CBY1: variants seen among roughly 807,000 people sequenced by gnomAD.
CBY1 encodes the protein protein chibby homolog 1.
A neutral mutation model predicts 15.6 loss-of-function variants in CBY1; 10 were observed. The ratio of observed to expected loss-of-function variants is 0.64; its 90% CI spans 0.40 to 1.09. The LOEUF (loss-of-function observed/expected upper bound fraction) is 1.09, where lower values mean the gene tolerates loss of function less well. Ranked by LOEUF, CBY1 falls within the 50% of genes least tolerant of loss-of-function variation. The pLI is 0.01. For missense variants in CBY1, 150 were observed against 160.5 expected (o/e 0.93, Z 0.35); for synonymous variants, 61 against 63.5 (o/e 0.96, Z 0.19).
At chr22:38,670,722 T>C in intron 2 of CBY1, 162 bp from the exon 3 acceptor site, 1 of 603,850 alleles carries the variant, frequency 1.7e-6, no homozygotes, top group Non-Finnish European at 3.0e-6. Flanking sequence ...ATTAAACTTT[T>C]CCTGTACATC....
In CBY1 at chr22:38,666,512, G is replaced by A. The variant is rs1335801303; in HGVS notation, c.-38-1505G>A. 3.9e-5 allele frequency: 6 copies of A among 152,210 alleles called. No homozygotes were observed. The South Asian group carries it at 1.2e-3, about 32-fold the overall frequency. The allele number at this position is 152,210 out of a possible 1,614,324, so 9.4% of individuals were successfully genotyped here. A position where few individuals can be genotyped will look rare whatever the true frequency, so the allele number is the denominator to read the frequency against. ...AAAAGCAAATGTACAGGTTGGGGGGGTGTTGTTGTCAGCTCCGCCATGTCG... is the reference window on the plus strand; with the variant it reads ...AAAAGCAAATGTACAGGTTGGGGGGATGTTGTTGTCAGCTCCGCCATGTCG... On this transcript the variant is annotated intron_variant, in intron 1 of 4. Coordinates refer to ENST00000216029, the MANE Select transcript of CBY1 (RefSeq NM_015373.4).
At chr22:38,672,668 GT>G (rs2092456553) in intron 4 of CBY1, among the ~76,000 whole-genome samples, 1 of 151,972 alleles carries the variant, frequency 6.6e-6, no homozygotes, top group African/African-American at 2.4e-5. Flanking sequence ...CTCATAGTGA[GT>G]TAGTACAAGA....
rs1065208 is a variant in CBY1 at position 38,673,619 on chromosome 22, C to G, written c.*383C>G. The G allele has an allele frequency of 0.058, 12,015 of 208,230 alleles. 779 individuals carry two copies. The highest frequency in any genetic ancestry group is 0.17 in the African/African-American group (7,691 of 44,412). 12.9% of individuals were successfully genotyped at this position (208,230 alleles called of 1,614,324 possible). ...CTCACCCCCTTATGTTGGTGTTTGG[C>G]GTGTGACAGCAGTTCTACAGAGCTC... On this transcript the variant is annotated 3_prime_UTR_variant, in exon 5 of 5. Coordinates refer to ENST00000216029, the MANE Select transcript of CBY1 (RefSeq NM_015373.4).
At chr22:38,669,985 C>G (rs1326270693) in intron 2 of CBY1, 1 of 152,128 alleles carries the variant, frequency 6.6e-6, no homozygotes, top group East Asian at 1.9e-4. Flanking sequence ...AATCCCAGCA[C>G]TTTGGGAGGC....
In CBY1 at chr22:38,673,242, C is replaced by G; in HGVS notation, c.*6C>G. 2 of 1,597,944 alleles carry G rather than the reference C, an allele frequency of 1.3e-6. No individual in the cohort carries two copies. The highest frequency in any genetic ancestry group is 1.7e-6 in the Non-Finnish European group (2 of 1,165,520). On this transcript the variant is annotated 3_prime_UTR_variant, in exon 5 of 5. Transcript: ENST00000216029. ...TCAGCCGGAAGAGAAAATGAAGACC[C>G]CAGAGACATTTATTGGGGAGTAGGA...
chr22:38,670,809 T>C, intron 2 of CBY1, 75 bp from the exon 3 acceptor site: 1 of 911,528 alleles, frequency 1.1e-6, no homozygotes, highest in East Asian at 2.4e-5. Flanking sequence ...GGGGTCATAT[T>C]GTTGGCGGAA....
At chr22:38,663,283 C>T (rs1446833354) in intron 1 of CBY1, among the ~76,000 whole-genome samples, 1 of 151,850 alleles carries the variant, frequency 6.6e-6, no homozygotes, top group Non-Finnish European at 1.5e-5. Flanking sequence ...GGTGAAACCC[C>T]GTCTCTACTA....
chr22:38,664,751 C>G (rs1219762469), intron 1 of CBY1, among the ~76,000 whole-genome samples: 1 of 152,098 alleles, frequency 6.6e-6, no homozygotes, highest in Non-Finnish European at 1.5e-5. Flanking sequence ...TATATGAATG[C>G]TCTGTGACTC....
Position 38,673,281 on chromosome 22 carries a change from T to A in CBY1, c.*45T>A. The A allele has an allele frequency of 8.6e-7, 1 of 1,167,058 alleles. No homozygotes were observed. The highest frequency in any genetic ancestry group is 1.2e-6 in the Non-Finnish European group (1 of 804,568). 72.3% of individuals were successfully genotyped at this position (1,167,058 alleles called of 1,614,324 possible). On this transcript the variant is annotated 3_prime_UTR_variant, in exon 5 of 5. Coordinates refer to ENST00000216029, the MANE Select transcript of CBY1 (RefSeq NM_015373.4). ...TGGGGAGTAGGATGTGGCTGAGTGC[T>A]TTTTTTTTGGCCAGACTAGCGGATT...
chr22:38,672,851 T>C (rs1388429819), intron 4 of CBY1, among the ~76,000 whole-genome samples: 1 of 152,206 alleles, frequency 6.6e-6, no homozygotes, highest in Non-Finnish European at 1.5e-5. Flanking sequence ...TCTAATCCCT[T>C]AGCCTTACAA....
At chr22:38,657,730 G>A (rs2092404745) in intron 1 of CBY1, among the ~76,000 whole-genome samples, 1 of 152,182 alleles carries the variant, frequency 6.6e-6, no homozygotes, top group South Asian at 2.1e-4. Context: ...GCTGGGCCAA[G>A]GTCTAGCAGG....
At chr22:38,657,063 T>A (rs2092400414) in intron 1 of CBY1, 7 of 945,100 alleles carry the variant, frequency 7.4e-6, no homozygotes, top group Admixed American at 6.2e-5. Flanking sequence ...CATGGCTACC[T>A]CTGAACTCCT....
At chr22:38,666,954 G>A (rs1371884597) in intron 1 of CBY1, among the ~76,000 whole-genome samples, 3 of 149,244 alleles carry the variant, frequency 2.0e-5, no homozygotes, top group Admixed American at 1.3e-4. Flanking sequence ...TGCCCGCCTC[G>A]GCCTCCCAAA....
chr22:38,666,603 T>C (rs1389313301), intron 1 of CBY1: 1 of 152,168 alleles, frequency 6.6e-6, no homozygotes, highest in Non-Finnish European at 1.5e-5. Context: ...ACGTGACATA[T>C]GAGGTGCACT....
At chr22:38,671,380 GCATAATTA>G (rs1355591674) in intron 4 of CBY1, 192 bp downstream of exon 4, 1 of 577,242 alleles carries the variant, frequency 1.7e-6, no homozygotes, top group East Asian at 2.9e-5. Context: ...CCGACCGTAA[GCATAATTA>G]CATAAGGACC....
intron 1 of CBY1, among the ~76,000 whole-genome samples, chr22:38,659,629 A>G (rs904718450): frequency 7.2e-5 from 11 of 152,094 alleles, no homozygotes; most frequent in Non-Finnish European, 1.3e-4. Flanking sequence ...TTGGGAGGCC[A>G]AGGCGGGCAG....
intron 1 of CBY1, among the ~76,000 whole-genome samples, chr22:38,664,367 G>C (rs1279460378): frequency 6.6e-6 from 1 of 151,080 alleles, no homozygotes; most frequent in Non-Finnish European, 1.5e-5. Flanking sequence ...AGTTACTCGG[G>C]AGGCTGAGGC....
At chr22:38,658,268 G>T (rs1185540433) in intron 1 of CBY1, among the ~76,000 whole-genome samples, 1 of 149,374 alleles carries the variant, frequency 6.7e-6, no homozygotes, top group Non-Finnish European at 1.5e-5. Flanking sequence ...TGGGACAACT[G>T]GCGCACACCA....
intron 1 of CBY1, among the ~76,000 whole-genome samples, chr22:38,665,061 C>G (rs536210967): frequency 6.6e-6 from 1 of 152,286 alleles, no homozygotes; most frequent in African/African-American, 2.4e-5. Flanking sequence ...CTAGGCTGGT[C>G]TTGAACTCCT....
Sources: allele counts gnomAD v4.1 joint callset (sites outside exome capture counted in the v4.1 genomes callset), GRCh38; gene constraint gnomAD v4.1.1; transcripts MANE v1.5; gene names NCBI Gene and HGNC (gene_info 2026-07-23, HGNC 2026-07-21).